ARHGAP22: variants seen among roughly 807,000 people sequenced by gnomAD.
The protein encoded by ARHGAP22 is Rho GTPase activating protein 22, also known as rho GTPase-activating protein 22.
A neutral mutation model predicts 59.1 loss-of-function variants in ARHGAP22; 48 were observed. The ratio of observed to expected loss-of-function variants is 0.81; its 90% CI spans 0.64 to 1.03. ARHGAP22 has a LOEUF of 1.03. ARHGAP22 is among the 50% of genes least tolerant of loss of function. The pLI, the probability that ARHGAP22 is intolerant of heterozygous loss-of-function variation, is 0.00. For missense variants in ARHGAP22, 1,015 were observed against 958.7 expected (o/e 1.06, Z -0.78); for synonymous variants, 445 against 416.4 (o/e 1.07, Z -0.84).
chr10:48,453,454 A>G (rs373900730), intron 7 of ARHGAP22, 29 bp from the exon 8 acceptor site: 127 of 1,612,038 alleles, frequency 7.9e-5, no homozygotes, highest in Non-Finnish European at 1.0e-4. Flanking sequence ...GCAGTCATCA[A>G]AGAAGCAAGT....
chr10:48,501,366 C>T (rs143107824), intron 3 of ARHGAP22, among the ~76,000 whole-genome samples: 2 of 152,224 alleles, frequency 1.3e-5, no homozygotes, highest in Non-Finnish European at 2.9e-5. Context: ...TGAAATGAGC[C>T]TTCTCACACC....
At chr10:48,437,829 C>A in the ARHGAP22 span, 1 of 152,244 alleles carries the variant, frequency 6.6e-6, no homozygotes, top group Admixed American at 6.5e-5. Flanking sequence ...CTTAACAATC[C>A]AAAGAAGCTT....
intron 4 of ARHGAP22, among the ~76,000 whole-genome samples, chr10:48,460,965 C>A (rs2047079809): frequency 6.6e-6 from 1 of 152,108 alleles, no homozygotes; most frequent in African/African-American, 2.4e-5. Context: ...ATGGTGGCTG[C>A]AAGGAGCTGG....
chr10:48,473,871 T>C (rs1280562349), intron 4 of ARHGAP22, among the ~76,000 whole-genome samples: 1 of 152,188 alleles, frequency 6.6e-6, no homozygotes, highest in Non-Finnish European at 1.5e-5. Flanking sequence ...AGGCAAGGGA[T>C]ACACATGTTC....
chr10:48,619,466 G>C (rs7909038), intron 1 of ARHGAP22, among the ~76,000 whole-genome samples: 8,273 of 152,166 alleles, frequency 0.054, 725 homozygotes, highest in African/African-American at 0.19. Flanking sequence ...GGAAACCAAA[G>C]AGCATGATAC....
chr10:48,521,650 A>G (rs185879783), intron 3 of ARHGAP22, among the ~76,000 whole-genome samples: 2 of 152,352 alleles, frequency 1.3e-5, no homozygotes, highest in African/African-American at 4.8e-5. Context: ...TAGGCTAGAG[A>G]GTCAGATAGC....
At chr10:48,605,659 C>T (rs2060642885), upstream of ARHGAP22, among the ~76,000 whole-genome samples, 1 of 152,102 alleles carries the variant, frequency 6.6e-6, no homozygotes, top group African/African-American at 2.4e-5. Flanking sequence ...GAGCGGAATC[C>T]AGCCTCAAGA....
chr10:48,589,303 C>T (rs1197161618), intron 1 of ARHGAP22, among the ~76,000 whole-genome samples: 1 of 152,144 alleles, frequency 6.6e-6, no homozygotes, highest in Non-Finnish European at 1.5e-5. Context: ...CAAATACCAG[C>T]GTTTTTGCTC....
intron 3 of ARHGAP22, among the ~76,000 whole-genome samples, chr10:48,516,482 T>C (rs1471051271): frequency 6.6e-6 from 1 of 152,088 alleles, no homozygotes; most frequent in African/African-American, 2.4e-5. Context: ...GAGCCATGAT[T>C]GTACCACTGG....
At chr10:48,626,262 G>T (rs1384720589) in intron 1 of ARHGAP22, among the ~76,000 whole-genome samples, 1 of 152,194 alleles carries the variant, frequency 6.6e-6, no homozygotes, top group Admixed American at 6.5e-5. Flanking sequence ...CAGACCAGGA[G>T]CCCGGCATGG....
chr10:48,447,478 T>C (rs1051926293), intron 9 of ARHGAP22, among the ~76,000 whole-genome samples: 2 of 152,204 alleles, frequency 1.3e-5, no homozygotes, highest in Non-Finnish European at 2.9e-5. Context: ...GCACAGCACC[T>C]GGTACGTGGT....
intron 3 of ARHGAP22, among the ~76,000 whole-genome samples, chr10:48,503,895 T>C (rs889973477): frequency 6.6e-6 from 1 of 152,264 alleles, no homozygotes; most frequent in African/African-American, 2.4e-5. Context: ...GAAGCAGATA[T>C]GAACCCCGGC....
chr10:48,553,011 C>T (rs1350041730), intron 3 of ARHGAP22, among the ~76,000 whole-genome samples: 1 of 152,198 alleles, frequency 6.6e-6, no homozygotes, highest in East Asian at 1.9e-4. Context: ...GGATGGGGAG[C>T]TTTGCCAGCT....
At chr10:48,430,958 A>G in the ARHGAP22 span, 1 of 531,918 alleles carries the variant, frequency 1.9e-6, no homozygotes, top group Non-Finnish European at 3.3e-6. Context: ...AACTTCAGAA[A>G]CAGTGAATTA....
At chr10:48,561,892 C>T (rs561326486) in intron 2 of ARHGAP22, among the ~76,000 whole-genome samples, 148 of 152,248 alleles carry the variant, frequency 9.7e-4, no homozygotes, top group African/African-American at 3.2e-3. Flanking sequence ...TAATGTTAAA[C>T]GACAATCACT....
downstream of ARHGAP22, among the ~76,000 whole-genome samples, chr10:48,442,586 C>T (rs546202252): frequency 1.9e-4 from 29 of 152,156 alleles, no homozygotes; most frequent in Non-Finnish European, 3.2e-4. Context: ...AATGAACCCA[C>T]GTGCTGACCC....
At chr10:48,511,026 T>C (rs10857586) in intron 3 of ARHGAP22, 41,094 of 152,254 alleles carry the variant, frequency 0.27, 5,777 homozygotes, top group African/African-American at 0.34. Flanking sequence ...CTGGTGGCTC[T>C]TCACTGGAAT....
intron 1 of ARHGAP22, among the ~76,000 whole-genome samples, chr10:48,639,091 G>C (rs1402733360): frequency 1.3e-5 from 2 of 152,140 alleles, no homozygotes; most frequent in Non-Finnish European, 2.9e-5. Flanking sequence ...TGTTTGTTAG[G>C]GCAATTCCCA....
intron 1 of ARHGAP22, among the ~76,000 whole-genome samples, chr10:48,593,844 T>C (rs74130588): frequency 0.016 from 2,488 of 152,250 alleles, 73 homozygotes; most frequent in African/African-American, 0.057. Flanking sequence ...GACATTGCAA[T>C]GTATTCTCAG....
Sources: gnomAD v4.1 joint callset for allele counts (sites outside exome capture counted in the v4.1 genomes callset) on GRCh38, gnomAD v4.1.1 for gene constraint, MANE v1.5 for transcripts, NCBI Gene and HGNC (gene_info 2026-07-23, HGNC 2026-07-21) for gene names.